The following AGTPBP1 variants were observed in gnomAD, a reference collection of about 807,000 sequenced individuals.
AGTPBP1 encodes the protein cytosolic carboxypeptidase 1.
In AGTPBP1, 70 loss-of-function variants were observed where a neutral mutation model predicts 143.9. That is an observed-to-expected ratio of 0.49 (90% CI 0.40 to 0.59). The LOEUF is 0.59. AGTPBP1 is among the 20% of genes least tolerant of loss of function. The pLI is 0.00. For missense variants in AGTPBP1, 1,229 were observed against 1,464.5 expected (o/e 0.84, Z 2.62); for synonymous variants, 463 against 500.2 (o/e 0.93, Z 0.99).
intron 1 of AGTPBP1, among the ~76,000 whole-genome samples, chr9:85,732,260 G>C (rs1378952717): frequency 5.6e-5 from 8 of 143,358 alleles, no homozygotes; most frequent in Non-Finnish European, 9.0e-5. Flanking sequence ...TGTCGCCCAG[G>C]CTGGAGTGCA....
chr9:85,777,712 C>A, the AGTPBP1 span, among the ~76,000 whole-genome samples: 2 of 152,204 alleles, frequency 1.3e-5, no homozygotes, highest in African/African-American at 4.8e-5. Context: ...TACCTCTTCC[C>A]CAAAATTCTT....
intron 11 of AGTPBP1, among the ~76,000 whole-genome samples, chr9:85,646,950 T>TAC (rs1002598054): frequency 8.0e-5 from 12 of 150,354 alleles, no homozygotes; most frequent in East Asian, 3.9e-4. Context: ...AAAAAAAAAT[T>TAC]ACACACACAC....
chr9:85,773,081 C>T, the AGTPBP1 span, among the ~76,000 whole-genome samples: 15 of 151,556 alleles, frequency 9.9e-5, no homozygotes, highest in African/African-American at 3.6e-4. Context: ...CTAGCTAACA[C>T]GGTGAAACCC....
At chr9:85,803,641 T>C in the AGTPBP1 span, among the ~76,000 whole-genome samples, 11 of 152,206 alleles carry the variant, frequency 7.2e-5, no homozygotes, top group Non-Finnish European at 1.5e-4. Flanking sequence ...ATTCTGACTT[T>C]GTTTTCTTCT....
intron 15 of AGTPBP1, 79 bp downstream of exon 15, chr9:85,621,123 T>C (rs2133554232): frequency 2.6e-6 from 2 of 764,182 alleles, no homozygotes; most frequent in Non-Finnish European, 3.8e-6. Flanking sequence ...TTTCACAGAA[T>C]TTTTATCTTT....
chr9:85,668,743 A>C (rs1341425617), intron 8 of AGTPBP1, among the ~76,000 whole-genome samples: 1 of 151,714 alleles, frequency 6.6e-6, no homozygotes, highest in East Asian at 1.9e-4. Flanking sequence ...TGGAATGTTC[A>C]GAATTGTTAA....
At chr9:85,691,538 T>TGG (rs1835876743) in intron 3 of AGTPBP1, among the ~76,000 whole-genome samples, 1 of 117,568 alleles carries the variant, frequency 8.5e-6, no homozygotes, top group African/African-American at 4.2e-5. Context: ...AAAAAGAGGG[T>TGG]GTGTGTGTGT....
chr9:85,579,212 T>C (rs1170078657), intron 23 of AGTPBP1, 116 bp from the exon 24 acceptor site: 1 of 995,780 alleles, frequency 1.0e-6, no homozygotes, highest in African/African-American at 1.7e-5. Flanking sequence ...ATGTGGATGT[T>C]CTATTATATA....
the AGTPBP1 span, among the ~76,000 whole-genome samples, chr9:85,758,203 GA>G: frequency 6.6e-6 from 1 of 151,948 alleles, no homozygotes; most frequent in African/African-American, 2.4e-5. Flanking sequence ...AAAACAAAAG[GA>G]AAAAATAAAC....
chr9:85,660,997 A>T (rs1833822820), intron 8 of AGTPBP1, 24 bp from the exon 9 acceptor site: 2 of 1,579,462 alleles, frequency 1.3e-6, no homozygotes, highest in Non-Finnish European at 8.6e-7. Context: ...AAGAAAACAC[A>T]AACAACAACA....
intron 25 of AGTPBP1, among the ~76,000 whole-genome samples, chr9:85,564,043 A>T (rs1165685691): frequency 6.6e-6 from 1 of 152,218 alleles, no homozygotes; most frequent in Non-Finnish European, 1.5e-5. Flanking sequence ...AGCCACAGGC[A>T]CAACACCCAG....
the AGTPBP1 span, chr9:85,753,228 G>GAA: frequency 4.1e-6 from 6 of 1,465,056 alleles, no homozygotes; most frequent in East Asian, 2.5e-5. Context: ...AAAAAAGAAA[G>GAA]AAAAAAAAAA....
chr9:85,753,184 C>G, the AGTPBP1 span: 3 of 1,359,024 alleles, frequency 2.2e-6, no homozygotes, highest in Admixed American at 2.4e-5. Flanking sequence ...CCACTGCACT[C>G]CAGCCTGGGT....
chr9:85,631,346 T>C (rs964551957), intron 14 of AGTPBP1, among the ~76,000 whole-genome samples: 1 of 152,264 alleles, frequency 6.6e-6, no homozygotes, highest in Admixed American at 6.5e-5. Context: ...GAAACATTTC[T>C]AATTTACTGT....
At position 85,724,802 on chromosome 9, in the gene AGTPBP1, CTCCCAAGTA is replaced by C. The variant is rs140673798; in HGVS notation, c.-33-12245_-33-12237del. Among the ~76,000 whole-genome samples, 1,461 of 152,228 alleles carry C rather than the reference CTCCCAAGTA, an allele frequency of 9.6e-3. 29 individuals are homozygous for C. The highest frequency in any genetic ancestry group is 0.033 in the African/African-American group (1,368 of 41,532). ...GATCTTTGTTTTGCTTACTAAATGC[CTCCCAAGTA>C]TCTAGAAGAATGCCAGCACATTGCA... is the stretch of plus-strand genomic sequence containing the variant. On this transcript the variant is annotated intron_variant, in intron 1 of 25. Transcript: ENST00000357081.
chr9:85,581,588 G>A (rs1001595445), intron 23 of AGTPBP1, among the ~76,000 whole-genome samples: 4 of 152,128 alleles, frequency 2.6e-5, no homozygotes. Flanking sequence ...GGGATACTCA[G>A]TCAACCAAAT....
rs561245760 is a variant in AGTPBP1 at position 85,705,842 on chromosome 9, C to G, written c.32+6660G>C. Among the ~76,000 whole-genome samples, 12 of 152,094 alleles carry G rather than the reference C, an allele frequency of 7.9e-5. 1 individual carries two copies. The South Asian group carries it at 2.5e-3, about 32-fold the overall frequency. On this transcript the variant is annotated intron_variant, in intron 2 of 25. Transcript: ENST00000357081. ...AGTAGCTGGGAATACAGGTGCCCAC[C>G]ACCGCACCCAGCTAATTTTTTGTAT...
At chr9:85,551,401 T>C (rs1826031092) in intron 25 of AGTPBP1, among the ~76,000 whole-genome samples, 1 of 152,176 alleles carries the variant, frequency 6.6e-6, no homozygotes, top group South Asian at 2.1e-4. Flanking sequence ...TATATCCCCT[T>C]TGTACCTTGC....
intron 13 of AGTPBP1, among the ~76,000 whole-genome samples, chr9:85,637,952 G>T (rs1001613932): frequency 2.6e-5 from 4 of 152,142 alleles, no homozygotes; most frequent in African/African-American, 7.2e-5. Context: ...CCAACAGAAG[G>T]TCTGAGACAC....
Sources: gnomAD v4.1 joint callset for allele counts (sites outside exome capture counted in the v4.1 genomes callset) on GRCh38, gnomAD v4.1.1 for gene constraint, MANE v1.5 for transcripts, NCBI Gene and HGNC (gene_info 2026-07-23, HGNC 2026-07-21) for gene names.